Variants in FRMD3 observed in about 807,000 individuals in gnomAD.
FRMD3 encodes the protein FERM domain-containing protein 3.
A neutral mutation model predicts 70.2 loss-of-function variants in FRMD3; 33 were observed. The ratio of observed to expected loss-of-function variants is 0.47; its 90% CI spans 0.36 to 0.63. The LOEUF (loss-of-function observed/expected upper bound fraction) is 0.63. FRMD3 is among the 20% of genes least tolerant of loss of function. The pLI, the probability that FRMD3 is intolerant of heterozygous loss-of-function variation, is 0.00. For synonymous variants in FRMD3, 279 were observed against 255.9 expected, an observed-to-expected ratio of 1.09 and a Z score of -0.86; for missense variants, 632 against 711.4, an observed-to-expected ratio of 0.89 and a Z score of 1.27.
intron 1 of FRMD3, among the ~76,000 whole-genome samples, chr9:83,462,082 C>T (rs976506939): frequency 6.6e-5 from 10 of 152,088 alleles, no homozygotes; most frequent in African/African-American, 2.2e-4. Flanking sequence ...GAAAAACCTG[C>T]AAAAGTTACA....
chr9:83,257,519 G>A (rs1832769211), intron 13 of FRMD3, among the ~76,000 whole-genome samples: 2 of 151,966 alleles, frequency 1.3e-5, no homozygotes, highest in African/African-American at 4.8e-5. Context: ...ATTAAAAGTT[G>A]AGGGGGAAAA....
At chr9:83,261,295 C>T (rs1832980796) in intron 13 of FRMD3, among the ~76,000 whole-genome samples, 1 of 152,172 alleles carries the variant, frequency 6.6e-6, no homozygotes. Flanking sequence ...TCCTTGCAGA[C>T]TAAACTCTCT....
At chr9:83,513,395 T>C (rs1829383302) in intron 1 of FRMD3, among the ~76,000 whole-genome samples, 1 of 152,252 alleles carries the variant, frequency 6.6e-6, no homozygotes, top group East Asian at 1.9e-4. Context: ...TACTTTTCAC[T>C]GGATTACCTT....
At chr9:83,467,837 A>C in intron 1 of FRMD3, 1 of 1,383,928 alleles carries the variant, frequency 7.2e-7, no homozygotes, top group Non-Finnish European at 9.4e-7. Context: ...TGTCACAGTA[A>C]ATAGGTTGAT....
At chr9:83,403,108 T>G (rs552323608) in intron 1 of FRMD3, among the ~76,000 whole-genome samples, 1 of 152,128 alleles carries the variant, frequency 6.6e-6, no homozygotes, top group Non-Finnish European at 1.5e-5. Context: ...TTCATCATAT[T>G]GGCCAGGCTG....
chr9:83,419,449 A>AGAGTGT (rs138264604), intron 1 of FRMD3, among the ~76,000 whole-genome samples: 2 of 148,418 alleles, frequency 1.3e-5, no homozygotes, highest in African/African-American at 4.9e-5. Context: ...GCTGTGAGAG[A>AGAGTGT]GTGTGTGTGT....
chr9:83,247,753 A>C lies in FRMD3; in HGVS notation c.*165T>G. On this transcript the variant is annotated 3_prime_UTR_variant, in exon 14 of 14. Transcript: ENST00000304195. The stretch of plus-strand genomic sequence containing the variant: ...AAATAACTGTATTTGATTTAAACTT[A>C]TTTAAGTGCAGTGAATTATGGAAAG... 1 of 1,463,550 alleles carries C rather than the reference A, an allele frequency of 6.8e-7. No individual in the cohort carries two copies. Among genetic ancestry groups the C allele is most frequent in the South Asian group, 1.5e-5 (1 of 65,886 alleles). 90.7% of individuals were successfully genotyped at this position (1,463,550 alleles called of 1,614,324 possible). A position where few individuals can be genotyped will look rare whatever the true frequency, so the allele number is the denominator to read the frequency against.
the FRMD3 span, among the ~76,000 whole-genome samples, chr9:83,556,171 C>T: frequency 6.6e-6 from 1 of 151,918 alleles, no homozygotes; most frequent in East Asian, 1.9e-4. Context: ...TTTGTTCCCT[C>T]TCCACTCTTC....
chr9:83,416,768 TCTCTCTCTCTCTCTCTCTCA>T (rs1165729936), intron 1 of FRMD3, among the ~76,000 whole-genome samples: 10 of 121,654 alleles, frequency 8.2e-5, no homozygotes, highest in East Asian at 2.3e-4. Flanking sequence ...TCTCTCTCTC[TCTCTCTCTCTCTCTCTCTCA>T]CTCTCTCTCT....
At chr9:83,367,162 A>C (rs915972661) in intron 3 of FRMD3, among the ~76,000 whole-genome samples, 1 of 152,246 alleles carries the variant, frequency 6.6e-6, no homozygotes, top group Non-Finnish European at 1.5e-5. Context: ...CTTTGTTTGA[A>C]GGCAATCTGT....
intron 1 of FRMD3, among the ~76,000 whole-genome samples, chr9:83,449,931 G>A (rs754110826): frequency 2.0e-5 from 3 of 152,170 alleles, no homozygotes; most frequent in Admixed American, 6.5e-5. Flanking sequence ...TTAAGAGAGT[G>A]CACTTGAAGC....
intron 8 of FRMD3, among the ~76,000 whole-genome samples, 186 bp from the exon 9 acceptor site, chr9:83,310,734 G>A (rs1835320773): frequency 6.6e-6 from 1 of 152,076 alleles, no homozygotes; most frequent in Non-Finnish European, 1.5e-5. Flanking sequence ...CTCTTCCCAA[G>A]AGAGGATCCG....
At chr9:83,445,282 C>G (rs912016889) in intron 1 of FRMD3, among the ~76,000 whole-genome samples, 1 of 151,444 alleles carries the variant, frequency 6.6e-6, no homozygotes, top group Non-Finnish European at 1.5e-5. Flanking sequence ...TGCAGTGAGC[C>G]GAGATCACAC....
At chr9:83,244,005 G>GTAAT (rs778813253), downstream of FRMD3, among the ~76,000 whole-genome samples, 1 of 152,100 alleles carries the variant, frequency 6.6e-6, no homozygotes, top group African/African-American at 2.4e-5. Flanking sequence ...GTGCATGCCT[G>GTAAT]TAATTCCAGC....
rs1832075462 is a variant in FRMD3 at position 83,246,011 on chromosome 9, A to C, written c.*1907T>G. ...AAGCATATAGGAAAGGAAACCCCTC[A>C]AACTTAATGGCAAATATATAGTCAT... is the stretch of plus-strand genomic sequence containing the variant. On this transcript the variant is annotated 3_prime_UTR_variant, in exon 14 of 14. Coordinates refer to ENST00000304195, the MANE Select transcript of FRMD3 (RefSeq NM_174938.6). 1 of 985,282 alleles carries C rather than the reference A, an allele frequency of 1.0e-6. No homozygotes were observed. 61.0% of individuals were successfully genotyped at this position (985,282 alleles called of 1,614,324 possible). A position where few individuals can be genotyped will look rare whatever the true frequency, so the allele number is the denominator to read the frequency against.
chr9:83,398,444 C>G (rs1412554046), intron 1 of FRMD3, among the ~76,000 whole-genome samples: 1 of 152,190 alleles, frequency 6.6e-6, no homozygotes, highest in African/African-American at 2.4e-5. Context: ...ATGGTTGAAT[C>G]TGTGGTTCTC....
intron 1 of FRMD3, among the ~76,000 whole-genome samples, chr9:83,461,410 A>C (rs1827966962): frequency 6.6e-6 from 1 of 152,044 alleles, no homozygotes; most frequent in East Asian, 1.9e-4. Flanking sequence ...CAAGCCACTA[A>C]GTTTATGGCA....
chr9:83,580,621 C>G, the FRMD3 span, among the ~76,000 whole-genome samples: 2 of 151,964 alleles, frequency 1.3e-5, no homozygotes, highest in African/African-American at 4.8e-5. Flanking sequence ...GTATGGGGAT[C>G]AAGAGAATGA....
chr9:83,310,629 T>G (rs1835316771), intron 8 of FRMD3, 81 bp from the exon 9 acceptor site: 2 of 1,038,958 alleles, frequency 1.9e-6, no homozygotes, highest in East Asian at 4.8e-5. Context: ...GGAATCTGAC[T>G]CAAAAATGCC....
Sources: gnomAD v4.1 joint callset for allele counts (sites outside exome capture counted in the v4.1 genomes callset) on GRCh38, gnomAD v4.1.1 for gene constraint, MANE v1.5 for transcripts, NCBI Gene and HGNC (gene_info 2026-07-23, HGNC 2026-07-21) for gene names.